The following PRMT9 variants were observed in gnomAD, a reference collection of about 807,000 sequenced individuals.
The protein encoded by PRMT9 is protein arginine methyltransferase 9, also known as protein arginine N-methyltransferase 9.
Under a neutral mutation model 83.2 loss-of-function variants are expected in PRMT9, and 59 were observed. That is an observed-to-expected ratio of 0.71 (90% confidence interval 0.57 to 0.88). The LOEUF is 0.88. Ranked by LOEUF, PRMT9 falls within the 40% of genes least tolerant of loss-of-function variation. The pLI is 0.00. For missense variants in PRMT9, 947 were observed against 1,021.9 expected, an observed-to-expected ratio of 0.93 and a Z score of 1.00; for synonymous variants, 333 against 353.2, an observed-to-expected ratio of 0.94 and a Z score of 0.64.
chr4:147,668,818 A>C (rs1578923288), intron 5 of PRMT9, among the ~76,000 whole-genome samples, 173 bp from the exon 6 acceptor site: 1 of 152,110 alleles, frequency 6.6e-6, no homozygotes, highest in East Asian at 1.9e-4. Flanking sequence ...TGGGCACTGT[A>C]GCTCACGCCT....
chr4:147,679,518 C>T (rs187017517), intron 2 of PRMT9, among the ~76,000 whole-genome samples: 176 of 151,992 alleles, frequency 1.2e-3, no homozygotes, highest in African/African-American at 4.0e-3. Context: ...GAGGCTGAGG[C>T]GGGTGGATCG....
intron 6 of PRMT9, among the ~76,000 whole-genome samples, chr4:147,667,176 T>C (rs1331318063): frequency 6.6e-6 from 1 of 152,214 alleles, no homozygotes; most frequent in Non-Finnish European, 1.5e-5. Flanking sequence ...AAACTGTACA[T>C]ATTCTTTAAC....
At chr4:147,656,911 G>A (rs1734545662) in intron 8 of PRMT9, among the ~76,000 whole-genome samples, 1 of 151,554 alleles carries the variant, frequency 6.6e-6, no homozygotes, top group South Asian at 2.1e-4. Context: ...ACAGGTGTCA[G>A]CCACCATACC....
chr4:147,665,652 T>C (rs911348888), intron 6 of PRMT9, among the ~76,000 whole-genome samples: 1 of 152,210 alleles, frequency 6.6e-6, no homozygotes, highest in Non-Finnish European at 1.5e-5. Flanking sequence ...TAGTTCCTTT[T>C]GGTGAGAAAT....
Position 147,654,514 on chromosome 4 carries a change from G to A in PRMT9, c.1383C>T (p.Asp461=). ...TAATACTCTGGATTCTTAAGTAACA[G>A]TCTTGACAAGATACTTCCATCATCA... The part of the protein sequence containing the change: ...DHVMMEVSCQ[D]CYLRIQSISV... The change falls in exon 9 of 12, where the codon GAC becomes GAT. Residue 461 remains aspartate, a synonymous_variant. Coordinates refer to ENST00000322396, the MANE Select transcript of PRMT9 (RefSeq NM_138364.4). 1 of 1,613,756 alleles carries A rather than the reference G, an allele frequency of 6.2e-7. No homozygotes were observed. The highest frequency in any genetic ancestry group is 8.5e-7 in the Non-Finnish European group (1 of 1,179,900).
intron 9 of PRMT9, among the ~76,000 whole-genome samples, chr4:147,645,846 T>C (rs1429511860): frequency 6.6e-6 from 1 of 152,196 alleles, no homozygotes; most frequent in Non-Finnish European, 1.5e-5. Flanking sequence ...ACCAGACTGA[T>C]AAAGATAAGT....
chr4:147,640,635 G>A (rs1408641567), intron 10 of PRMT9, among the ~76,000 whole-genome samples: 1 of 151,916 alleles, frequency 6.6e-6, no homozygotes, highest in Non-Finnish European at 1.5e-5. Context: ...CCCATTATCA[G>A]TATGGAAACT....
chr4:147,683,111 C>T (rs1698097760), intron 1 of PRMT9, among the ~76,000 whole-genome samples: 1 of 152,134 alleles, frequency 6.6e-6, no homozygotes, highest in Admixed American at 6.5e-5. Flanking sequence ...GTTTAAAGAA[C>T]GCATCATTAA....
chr4:147,657,785 G>T lies in PRMT9; in HGVS notation c.1330+7C>A. On this transcript the variant is annotated splice_region_variant and intron_variant, in intron 8 of 11. Coordinates refer to ENST00000322396, the MANE Select transcript of PRMT9 (RefSeq NM_138364.4). Reference sequence around the variant, plus strand: ...AGAGGTTAAAAAAAAAAATGGACAAGACCTACCTGCAAGGTCCTGTACGGG... The same window carrying T: ...AGAGGTTAAAAAAAAAAATGGACAATACCTACCTGCAAGGTCCTGTACGGG... 1 of 1,606,146 alleles carries T rather than the reference G, an allele frequency of 6.2e-7. No homozygotes were observed. Among genetic ancestry groups the T allele is most frequent in the Non-Finnish European group, 8.5e-7 (1 of 1,174,544 alleles).
chr4:147,666,048 T>C (rs1261962302), intron 6 of PRMT9, among the ~76,000 whole-genome samples: 1 of 152,226 alleles, frequency 6.6e-6, no homozygotes, highest in Admixed American at 6.5e-5. Context: ...AATGTTGCAC[T>C]AACAGTGTAT....
At chr4:147,671,571 T>C (rs1481548164) in intron 4 of PRMT9, among the ~76,000 whole-genome samples, 1 of 152,236 alleles carries the variant, frequency 6.6e-6, no homozygotes, top group African/African-American at 2.4e-5. Context: ...TAAGAATGAC[T>C]TTGGTATCCT....
chr4:147,656,852 C>T (rs1443672904), intron 8 of PRMT9, among the ~76,000 whole-genome samples: 1 of 151,000 alleles, frequency 6.6e-6, no homozygotes, highest in East Asian at 1.9e-4. Flanking sequence ...GGTTTAAACT[C>T]CTGGCCTCAA....
intron 4 of PRMT9, chr4:147,672,163 T>C (rs1735781536): frequency 3.9e-6 from 1 of 256,558 alleles, no homozygotes; most frequent in Non-Finnish European, 7.7e-6. Flanking sequence ...ATAGGAATTT[T>C]TTCATGAGAA....
At chr4:147,670,551 A>G in intron 5 of PRMT9, 90 bp downstream of exon 5, 2 of 945,126 alleles carry the variant, frequency 2.1e-6, no homozygotes, top group Admixed American at 1.7e-5. Context: ...AATATATTTC[A>G]TATTGTTTTG....
At chr4:147,651,163 T>A (rs905833423) in intron 9 of PRMT9, among the ~76,000 whole-genome samples, 1 of 151,550 alleles carries the variant, frequency 6.6e-6, no homozygotes, top group Non-Finnish European at 1.5e-5. Context: ...AGAAAACATA[T>A]CCGAAATATG....
At chr4:147,658,048 T>G (rs1734660962) in intron 7 of PRMT9, 73 bp from the exon 8 acceptor site, 1 of 1,078,916 alleles carries the variant, frequency 9.3e-7, no homozygotes. Flanking sequence ...CTTACCATTT[T>G]CCATCTCTGG....
rs1734642237 is a variant in PRMT9 at position 147,657,918 on chromosome 4, CT to C, written c.1203del (p.Glu402LysfsTer4). The part of the protein sequence containing the change: ...KPDKIGIPVI[K>X]EGILDAIMVW... ...ACCATAATAGCATCTAGTATGCCTT[CT>C]TTAATAACAGGAATACCAATCTTAT... On this transcript the variant is annotated frameshift_variant, in exon 8 of 12. Transcript: ENST00000322396. LOFTEE classifies it high-confidence loss of function. 1 of 1,606,272 alleles carries C rather than the reference CT, an allele frequency of 6.2e-7. No individual in the cohort carries two copies. Among genetic ancestry groups the C allele is most frequent in the Non-Finnish European group, 8.5e-7 (1 of 1,176,944 alleles).
chr4:147,661,192 T>C, intron 6 of PRMT9, 154 bp from the exon 7 acceptor site: 1 of 602,114 alleles, frequency 1.7e-6, no homozygotes, highest in South Asian at 2.1e-5. Flanking sequence ...CACACACATA[T>C]AAAACCACTA....
At chr4:147,675,264 G>C (rs1735996335) in intron 2 of PRMT9, among the ~76,000 whole-genome samples, 1 of 152,172 alleles carries the variant, frequency 6.6e-6, no homozygotes, top group African/African-American at 2.4e-5. Flanking sequence ...ACAGGCGTGA[G>C]CCACCGTGCC....
Sources: gnomAD v4.1 joint callset for allele counts (sites outside exome capture counted in the v4.1 genomes callset) on GRCh38, gnomAD v4.1.1 for gene constraint, MANE v1.5 for transcripts, NCBI Gene and HGNC (gene_info 2026-07-23, HGNC 2026-07-21) for gene names.